NTRK3: variants seen among roughly 807,000 people sequenced by gnomAD.
The protein encoded by NTRK3 is neurotrophic receptor tyrosine kinase 3.
A neutral mutation model predicts 91.7 loss-of-function variants in NTRK3; 24 were observed. That is an observed-to-expected ratio of 0.26 (90% confidence interval 0.19 to 0.37). The LOEUF is 0.37. NTRK3 is among the 10% of genes least tolerant of loss of function. The pLI is 1.00. For synonymous variants in NTRK3, 483 were observed against 404.0 expected, an observed-to-expected ratio of 1.20 and a Z score of -2.34; for missense variants, 880 against 1,068.9, an observed-to-expected ratio of 0.82 and a Z score of 2.46.
rs2052352700 is a variant in NTRK3, at chr15:88,241,548, G to A, written c.248+14358C>T. 6.6e-6 allele frequency among the ~76,000 whole-genome samples: 1 copy of A among 152,168 alleles called. No individual in the cohort carries two copies. Among genetic ancestry groups the A allele is most frequent in the South Asian group, 2.1e-4 (1 of 4,832 alleles). On this transcript the variant is annotated intron_variant, in intron 3 of 18. Transcript: ENST00000394480. This position sits in a 1 kb window ranked among gnomAD's most constrained non-coding sequence, Gnocchi z 4.3. ...GGAGCTGCTCTGGGCTGGAAAGGAG[G>A]AGGGAGGGTGTGCCCTGGTCAGTCT...
At chr15:88,015,648 G>A (rs2077183363) in intron 14 of NTRK3, among the ~76,000 whole-genome samples, 1 of 152,082 alleles carries the variant, frequency 6.6e-6, no homozygotes, top group Non-Finnish European at 1.5e-5. Context: ...CTGTTTCCTG[G>A]CCTGTCTCCC....
At chr15:88,011,675 G>A (rs537286083) in intron 14 of NTRK3, among the ~76,000 whole-genome samples, 58 of 152,204 alleles carry the variant, frequency 3.8e-4, no homozygotes, top group African/African-American at 1.1e-3. Flanking sequence ...ACTGAATTAC[G>A]TCAGCACAAT....
At chr15:88,080,471 T>C (rs115387695) in intron 13 of NTRK3, among the ~76,000 whole-genome samples, 134 of 152,398 alleles carry the variant, frequency 8.8e-4, no homozygotes, top group African/African-American at 3.1e-3. Context: ...AATTTCCATA[T>C]GTTTATTAGC....
chr15:88,004,953 T>C (rs1336719870), intron 14 of NTRK3, among the ~76,000 whole-genome samples: 1 of 152,160 alleles, frequency 6.6e-6, no homozygotes, highest in South Asian at 2.1e-4. Context: ...ATCCTCCCAA[T>C]GCCTAGCAAA....
At chr15:88,131,712 C>T (rs998870045) in intron 10 of NTRK3, among the ~76,000 whole-genome samples, 1 of 152,234 alleles carries the variant, frequency 6.6e-6, no homozygotes, top group Non-Finnish European at 1.5e-5. Context: ...AGTCTGTGAA[C>T]CCTGTTATCT....
At position 88,234,318 on chromosome 15, in the gene NTRK3, T is replaced by A. The variant is rs990088901; in HGVS notation, c.248+21588A>T. On this transcript the variant is annotated intron_variant, in intron 3 of 18. Coordinates refer to ENST00000394480, the Ensembl canonical transcript of NTRK3. This position sits in a 1 kb window ranked among gnomAD's most constrained non-coding sequence, Gnocchi z 6.1. ...TCTCCTTCATTGATTGATGCATGCA[T>A]CAGCCCTGCATTTATATAGCAAGGC... is the stretch of plus-strand genomic sequence containing the variant. Among the ~76,000 whole-genome samples, 5 of 152,232 alleles carry A rather than the reference T, an allele frequency of 3.3e-5. No individual in the cohort carries two copies. The highest frequency in any genetic ancestry group is 7.3e-5 in the Non-Finnish European group (5 of 68,044).
rs1391000390 is a variant in NTRK3, at chr15:88,235,121, T to C, written c.248+20785A>G. On this transcript the variant is annotated intron_variant, in intron 3 of 18. Coordinates refer to ENST00000394480, the Ensembl canonical transcript of NTRK3. The surrounding 1 kb of genome is among the most constrained non-coding windows in gnomAD (Gnocchi z 5.2). ...TCATGCCTCATAACAGAGCACTCTG[T>C]TGAGTACCTTCACGGAACTTCTTAC... 2.6e-5 allele frequency among the ~76,000 whole-genome samples: 4 copies of C among 152,214 alleles called. No individual in the cohort carries two copies. The highest frequency in any genetic ancestry group is 9.7e-5 in the African/African-American group (4 of 41,446).
At chr15:87,983,207 C>A (rs2074443975) in intron 14 of NTRK3, among the ~76,000 whole-genome samples, 1 of 152,314 alleles carries the variant, frequency 6.6e-6, no homozygotes, top group African/African-American at 2.4e-5. Flanking sequence ...TGGAAAAAAG[C>A]ATTTTGTACC....
intron 5 of NTRK3, among the ~76,000 whole-genome samples, chr15:88,150,993 A>C (rs1019221441): frequency 2.6e-5 from 4 of 152,088 alleles, no homozygotes; most frequent in Admixed American, 2.6e-4. Flanking sequence ...TACCCTGCTC[A>C]TCAGACAAGA....
rs185521677 is a variant in NTRK3, at chr15:88,080,824, C to T, written c.1396+45447G>A. 2.2e-4 allele frequency among the ~76,000 whole-genome samples: 34 copies of T among 152,330 alleles called. 1 individual carries two copies. The highest frequency in any genetic ancestry group is 1.9e-3 in the East Asian group (10 of 5,190). Reference sequence around the variant, plus strand: ...GAAGCAAGCATGGTGCCAATGACCTCCATATGGAAGCAGTTTGCCATCTCC... The same window carrying T: ...GAAGCAAGCATGGTGCCAATGACCTTCATATGGAAGCAGTTTGCCATCTCC... On this transcript the variant is annotated intron_variant, in intron 13 of 18. Transcript: ENST00000394480.
Position 87,923,938 on chromosome 15 carries a change from A to G in NTRK3, c.2133+5253T>C, listed in dbSNP as rs2068082047. 3.9e-5 allele frequency among the ~76,000 whole-genome samples: 6 copies of G among 152,172 alleles called. No homozygotes were observed. In the South Asian group the frequency reaches 1.2e-3, roughly 31 times the overall value. On this transcript the variant is annotated intron_variant, in intron 17 of 18. Transcript: ENST00000394480. ...ACAGCAAGAAGGCCCTCACCAGATGAGGCCCCTCGATCTTGAACTGCCTAG... is the reference window on the plus strand; with the variant it reads ...ACAGCAAGAAGGCCCTCACCAGATGGGGCCCCTCGATCTTGAACTGCCTAG...
chr15:88,176,903 A>T (rs1379461823), intron 5 of NTRK3, among the ~76,000 whole-genome samples: 2 of 152,222 alleles, frequency 1.3e-5, no homozygotes, highest in African/African-American at 4.8e-5. Context: ...ATAAAATGTG[A>T]TCTATTTGTA....
intron 5 of NTRK3, among the ~76,000 whole-genome samples, chr15:88,180,252 A>G (rs2046340157): frequency 6.6e-6 from 1 of 152,224 alleles, no homozygotes; most frequent in African/African-American, 2.4e-5. Context: ...TTATCCTTAA[A>G]AATCCTTAAT....
At chr15:88,098,129 A>C (rs930421212) in intron 13 of NTRK3, among the ~76,000 whole-genome samples, 36 of 152,250 alleles carry the variant, frequency 2.4e-4, no homozygotes, top group African/African-American at 8.0e-4. Flanking sequence ...TGAAAGGATA[A>C]GGCCAATAGG....
intron 3 of NTRK3, among the ~76,000 whole-genome samples, chr15:88,196,357 G>C (rs1025536555): frequency 6.6e-6 from 1 of 151,158 alleles, no homozygotes; most frequent in Non-Finnish European, 1.5e-5. Flanking sequence ...GCCGGGATGC[G>C]ACCGAGGCAC....
chr15:87,940,578 C>T (rs2069733565), intron 15 of NTRK3, 45 bp downstream of exon 15: 1 of 1,612,564 alleles, frequency 6.2e-7, no homozygotes, highest in South Asian at 1.1e-5. Flanking sequence ...TCCCTGGGCC[C>T]TCAGCCAGCC....
At chr15:88,084,629 C>T (rs2048338221) in intron 13 of NTRK3, among the ~76,000 whole-genome samples, 1 of 152,196 alleles carries the variant, frequency 6.6e-6, no homozygotes, top group Admixed American at 6.5e-5. Context: ...CTGCTCCAGC[C>T]TCACGTCTCC....
chr15:87,952,367 C>T lies in NTRK3; in HGVS notation c.1586-11614G>A, dbSNP rs372836084. On this transcript the variant is annotated intron_variant, in intron 14 of 18. Transcript: ENST00000394480. ...TGAGCTCCTAGGACACACACGTGCCCCCCATGAAAGGGCTCTTGCCCTTGC... is the reference window on the plus strand; with the variant it reads ...TGAGCTCCTAGGACACACACGTGCCTCCCATGAAAGGGCTCTTGCCCTTGC... Among the ~76,000 whole-genome samples, 1,084 of 152,302 alleles carry T rather than the reference C, an allele frequency of 7.1e-3. 14 individuals carry two copies. Among genetic ancestry groups the T allele is most frequent in the African/African-American group, 0.025 (1,028 of 41,558 alleles).
At chr15:87,869,623 C>A in exon 19 of NTRK3, 1 of 208,210 alleles carries the variant, frequency 4.8e-6, no homozygotes, top group Non-Finnish European at 9.8e-6. Flanking sequence ...ATTGTCAGTC[C>A]CATGGAAGCA....
Sources: allele counts gnomAD v4.1 joint callset (sites outside exome capture counted in the v4.1 genomes callset), GRCh38; gene constraint gnomAD v4.1.1; non-coding constraint Gnocchi (gnomAD v3.1); transcripts MANE v1.5; gene names NCBI Gene and HGNC (gene_info 2026-07-23, HGNC 2026-07-21).